Variants in TUB observed in about 807,000 individuals in gnomAD.
The protein encoded by TUB is tubby protein homolog.
Under a neutral mutation model 59.7 loss-of-function variants are expected in TUB, and 33 were observed. The observed-to-expected ratio is 0.55, with a 90% confidence interval of 0.42 to 0.74. TUB has a LOEUF of 0.74. Ranked by LOEUF, TUB falls within the 30% of genes least tolerant of loss-of-function variation. The pLI, the probability that TUB is intolerant of heterozygous loss-of-function variation, is 0.00. For missense variants in TUB, 659 were observed against 672.0 expected, an observed-to-expected ratio of 0.98 and a Z score of 0.21; for synonymous variants, 293 against 256.4, an observed-to-expected ratio of 1.14 and a Z score of -1.36.
chr11:8,065,864 G>A (rs886560500), intron 2 of TUB, among the ~76,000 whole-genome samples: 4 of 152,162 alleles, frequency 2.6e-5, no homozygotes, highest in African/African-American at 7.2e-5. Flanking sequence ...GACAGTGCAT[G>A]GAAAGCCCCT....
At chr11:8,052,525 A>C (rs1256000420) in intron 2 of TUB, among the ~76,000 whole-genome samples, 1 of 129,588 alleles carries the variant, frequency 7.7e-6, no homozygotes, top group African/African-American at 3.0e-5. Flanking sequence ...GCTGGAGTGC[A>C]GTGGTGCAAT....
chr11:8,094,278 G>A, intron 4 of TUB, 89 bp downstream of exon 4: 1 of 1,445,406 alleles, frequency 6.9e-7, no homozygotes. Context: ...TTGGAGGGGA[G>A]GGATAGGATG....
rs75194932 is a variant in TUB, at chr11:8,086,655, A to C, written c.39-2955A>C. Among the ~76,000 whole-genome samples, 549 of 152,240 alleles carry C rather than the reference A, an allele frequency of 3.6e-3. 3 individuals carry two copies. Among genetic ancestry groups the C allele is most frequent in the African/African-American group, 0.012 (503 of 41,528 alleles). On this transcript the variant is annotated intron_variant, in intron 1 of 11. Transcript: ENST00000299506. ...TTTACCAGGAATCGTGCCCACTCTCAGAGCCTCCCCATTTTAGTAGATTTA... is the reference window on the plus strand; with the variant it reads ...TTTACCAGGAATCGTGCCCACTCTCCGAGCCTCCCCATTTTAGTAGATTTA...
At chr11:8,066,938 C>G (rs1416798484) in intron 2 of TUB, among the ~76,000 whole-genome samples, 2 of 152,186 alleles carry the variant, frequency 1.3e-5, no homozygotes, top group African/African-American at 4.8e-5. Context: ...CCCATTACCT[C>G]CCCCAAATGC....
At chr11:8,057,851 G>A (rs566969657) in intron 2 of TUB, among the ~76,000 whole-genome samples, 1 of 152,262 alleles carries the variant, frequency 6.6e-6, no homozygotes, top group African/African-American at 2.4e-5. Context: ...CCCAGCCTTT[G>A]TATAAGGGCA....
intron 2 of TUB, chr11:8,076,011 G>A (rs1303315877): frequency 6.6e-6 from 1 of 152,144 alleles, no homozygotes; most frequent in Non-Finnish European, 1.5e-5. Context: ...CCTTGATGAG[G>A]GTGATACTTT....
chr11:8,098,809 T>C lies in TUB; in HGVS notation c.1050T>C (p.Pro350=). The change falls in exon 9 of 12, where the codon CCT becomes CCC. Residue 350 remains proline (P), a synonymous_variant. Transcript: ENST00000299506. ...CTGTTTATGACAATGGAGTCAACCC[T>C]CAGAAGGCCTCATCCTCCACTTTGG... ...KFTVYDNGVN[P]QKASSSTLES... 6.2e-7 allele frequency: 1 copy of C among 1,614,140 alleles called. No individual in the cohort carries two copies.
intron 2 of TUB, among the ~76,000 whole-genome samples, chr11:8,057,368 AG>A (rs1201984520): frequency 6.6e-6 from 1 of 152,094 alleles, no homozygotes; most frequent in African/African-American, 2.4e-5. Flanking sequence ...ACTGGGAGAG[AG>A]GGGAGTTTTT....
chr11:8,094,196 T>C lies in TUB; in HGVS notation c.397+7T>C, dbSNP rs1943883467. On this transcript the variant is annotated splice_region_variant and intron_variant, in intron 4 of 11. Coordinates refer to ENST00000299506, the MANE Select transcript of TUB (RefSeq NM_177972.3). ...AAGAAGGGAAAGCACAAAGGTCAGC[T>C]CACATTCTCTACAGCCCTCCCCAGC... The C allele has an allele frequency of 1.9e-6, 3 of 1,608,410 alleles. No individual in the cohort carries two copies. Among genetic ancestry groups the C allele is most frequent in the Admixed American group, 1.7e-5 (1 of 59,566 alleles).
chr11:8,086,593 C>G (rs191640095), intron 1 of TUB, among the ~76,000 whole-genome samples: 1 of 152,244 alleles, frequency 6.6e-6, no homozygotes, highest in African/African-American at 2.4e-5. Context: ...TAATCGTGGT[C>G]CCATCTCGTC....
At chr11:8,064,233 G>A (rs1485549736) in intron 2 of TUB, among the ~76,000 whole-genome samples, 1 of 152,152 alleles carries the variant, frequency 6.6e-6, no homozygotes, top group African/African-American at 2.4e-5. Flanking sequence ...TGAGATGAAG[G>A]GGAGAAGGAG....
chr11:8,032,473 A>G (rs1942588345), intron 1 of TUB, among the ~76,000 whole-genome samples: 1 of 152,250 alleles, frequency 6.6e-6, no homozygotes, highest in African/African-American at 2.4e-5. Flanking sequence ...CCTGTTTTAA[A>G]AAACTGTTTA....
At chr11:8,099,614 G>A (rs1564925614) in intron 9 of TUB, among the ~76,000 whole-genome samples, 1 of 152,158 alleles carries the variant, frequency 6.6e-6, no homozygotes, top group Non-Finnish European at 1.5e-5. Flanking sequence ...ATACCTTTAT[G>A]GGACTTAAAG....
At chr11:8,081,043 C>G (rs895587327), upstream of TUB, among the ~76,000 whole-genome samples, 15 of 151,674 alleles carry the variant, frequency 9.9e-5, no homozygotes, top group Non-Finnish European at 1.5e-4. Context: ...CGCCGTTAGC[C>G]GAAGGTGGGA....
At chr11:8,070,448 T>C (rs867255508) in intron 2 of TUB, among the ~76,000 whole-genome samples, 1 of 152,252 alleles carries the variant, frequency 6.6e-6, no homozygotes. Flanking sequence ...ATAGAAATGT[T>C]CTTGGCTATT....
At position 8,096,786 on chromosome 11, in the gene TUB, A is replaced by T. The variant is rs762409576; in HGVS notation, c.667A>T (p.Thr223Ser). 11 of 1,614,180 alleles carry T rather than the reference A, an allele frequency of 6.8e-6. No homozygotes were observed. Among genetic ancestry groups the T allele is most frequent in the Non-Finnish European group, 9.3e-6 (11 of 1,180,002 alleles). The change falls in exon 6 of 12, where the codon ACT becomes TCT. Residue 223 changes from threonine (T) to serine (S), a missense_variant. By Grantham distance (58) the Thr-to-Ser change is moderately conservative (BLOSUM62 1). Coordinates refer to ENST00000299506, the MANE Select transcript of TUB (RefSeq NM_177972.3). ...TAGTAACACCCGCCCCAGCTCTGCT[A>T]CTAGCAGGAAGTCCGTCAGGGTGAG... ...LNSNTRPSSA[T>S]SRKSVREAAS... is the part of the protein sequence containing the mutation.
chr11:8,099,483 C>T (rs1944158885), intron 9 of TUB, among the ~76,000 whole-genome samples: 2 of 152,306 alleles, frequency 1.3e-5, no homozygotes, highest in South Asian at 2.1e-4. Flanking sequence ...TTGTATGATC[C>T]TGTGGTGCCA....
chr11:8,098,203 G>C (rs1025621252), intron 8 of TUB, among the ~76,000 whole-genome samples: 1 of 152,148 alleles, frequency 6.6e-6, no homozygotes, highest in Non-Finnish European at 1.5e-5. Context: ...AGCAATCTTG[G>C]GGGTGGGGGG....
At chr11:8,096,199 A>G (rs912629820) in intron 5 of TUB, among the ~76,000 whole-genome samples, 1 of 152,210 alleles carries the variant, frequency 6.6e-6, no homozygotes, top group African/African-American at 2.4e-5. Flanking sequence ...GCTCAGGGCA[A>G]AGATGAGGAG....
Sources: allele counts gnomAD v4.1 joint callset (sites outside exome capture counted in the v4.1 genomes callset), GRCh38; gene constraint gnomAD v4.1.1; transcripts MANE v1.5; gene names NCBI Gene and HGNC (gene_info 2026-07-23, HGNC 2026-07-21).